CTNNA3: variants seen among roughly 807,000 people sequenced by gnomAD.
CTNNA3 encodes catenin alpha 3.
Under a neutral mutation model 95.7 loss-of-function variants are expected in CTNNA3, and 76 were observed. The observed-to-expected ratio is 0.79, with a 90% CI of 0.66 to 0.96. The LOEUF (loss-of-function observed/expected upper bound fraction) is 0.96. Ranked by LOEUF, CTNNA3 falls within the 40% of genes least tolerant of loss-of-function variation. CTNNA3 has a pLI of 0.00. For synonymous variants in CTNNA3, 431 were observed against 374.4 expected (o/e 1.15, Z -1.74); for missense variants, 1,191 against 1,089.8 (o/e 1.09, Z -1.31).
At chr10:66,731,109 G>A (rs1030433446) in intron 9 of CTNNA3, among the ~76,000 whole-genome samples, 1 of 152,118 alleles carries the variant, frequency 6.6e-6, no homozygotes, top group Non-Finnish European at 1.5e-5. Flanking sequence ...TCCAAGGAAG[G>A]CCATATATAA....
At chr10:66,760,452 TTTTG>T (rs145949704) in intron 9 of CTNNA3, among the ~76,000 whole-genome samples, 1,786 of 152,244 alleles carry the variant, frequency 0.012, 21 homozygotes, top group African/African-American at 0.041. Context: ...ACTTGGAGTT[TTTTG>T]TTTGTTTGTT....
intron 13 of CTNNA3, among the ~76,000 whole-genome samples, chr10:66,255,211 C>A (rs2090718025): frequency 6.6e-6 from 1 of 152,118 alleles, no homozygotes; most frequent in Non-Finnish European, 1.5e-5. Flanking sequence ...GACTGCTCAT[C>A]CAGGCAAGGG....
chr10:66,908,194 C>T (rs1846071940), intron 7 of CTNNA3, among the ~76,000 whole-genome samples: 1 of 152,136 alleles, frequency 6.6e-6, no homozygotes, highest in Non-Finnish European at 1.5e-5. Flanking sequence ...AGAGTTGGAC[C>T]AGGACTTCAC....
At chr10:66,460,581 G>A (rs1470355115) in intron 11 of CTNNA3, among the ~76,000 whole-genome samples, 3 of 151,972 alleles carry the variant, frequency 2.0e-5, no homozygotes, top group Non-Finnish European at 4.4e-5. Flanking sequence ...ATCCCTGCAA[G>A]TCCCTTTCTT....
intron 7 of CTNNA3, among the ~76,000 whole-genome samples, chr10:66,897,320 A>C (rs996011597): frequency 6.6e-6 from 1 of 152,052 alleles, no homozygotes; most frequent in Non-Finnish European, 1.5e-5. Flanking sequence ...GGGGATATCC[A>C]TGGGAAGAAA....
chr10:66,970,879 C>A (rs533952252), intron 7 of CTNNA3, among the ~76,000 whole-genome samples: 2 of 152,184 alleles, frequency 1.3e-5, no homozygotes, highest in East Asian at 3.9e-4. Flanking sequence ...CAAGATAATA[C>A]AGATCTCAAG....
upstream of CTNNA3, among the ~76,000 whole-genome samples, chr10:67,696,435 G>A (rs1375609160): frequency 6.6e-6 from 1 of 152,146 alleles, no homozygotes; most frequent in Non-Finnish European, 1.5e-5. Context: ...AAATGATAAA[G>A]CAGGGAAAAC....
chr10:66,517,445 C>T (rs891393355), intron 11 of CTNNA3, among the ~76,000 whole-genome samples: 1 of 152,012 alleles, frequency 6.6e-6, no homozygotes, highest in Non-Finnish European at 1.5e-5. Flanking sequence ...AAGAAGCCGG[C>T]TAAATCCTAC....
chr10:66,360,845 CTTT>C (rs2092666710), intron 12 of CTNNA3, among the ~76,000 whole-genome samples: 1 of 110,730 alleles, frequency 9.0e-6, no homozygotes, highest in African/African-American at 3.6e-5. Flanking sequence ...TTCTTTCTTT[CTTT>C]CTTTCTTTCC....
rs1863397435 is a variant in CTNNA3 at position 67,196,906 on chromosome 10, A to T, written c.844-16386T>A. Among the ~76,000 whole-genome samples the T allele has an allele frequency of 3.3e-5, 5 of 152,088 alleles. No individual in the cohort carries two copies. In the South Asian group the frequency reaches 1.0e-3, roughly 31 times the overall value. ...CTTGTGTGATTATCTGTTTGGAAAT[A>T]TGTGTTTACATGTTTGTGTTTTACA... is the stretch of plus-strand genomic sequence containing the variant. On this transcript the variant is annotated intron_variant, in intron 6 of 17. Transcript: ENST00000433211.
chr10:66,534,949 T>C (rs1188887301), intron 10 of CTNNA3, among the ~76,000 whole-genome samples: 1 of 152,122 alleles, frequency 6.6e-6, no homozygotes, highest in African/African-American at 2.4e-5. Context: ...TTTACTACTC[T>C]ATTGGAGAAT....
chr10:66,667,537 G>A (rs1483275799), intron 9 of CTNNA3, among the ~76,000 whole-genome samples: 1 of 151,876 alleles, frequency 6.6e-6, no homozygotes, highest in Non-Finnish European at 1.5e-5. Flanking sequence ...AAAATCCATA[G>A]TTTTCTATTT....
chr10:66,439,888 G>C (rs1317079129), intron 11 of CTNNA3, among the ~76,000 whole-genome samples: 1 of 152,068 alleles, frequency 6.6e-6, no homozygotes, highest in East Asian at 1.9e-4. Flanking sequence ...ATACCTCAAA[G>C]AAAATCTGTA....
chr10:66,170,602 A>G (rs1485862379), intron 13 of CTNNA3, among the ~76,000 whole-genome samples: 1 of 152,074 alleles, frequency 6.6e-6, no homozygotes, highest in African/African-American at 2.4e-5. Context: ...AGGCAAAGAA[A>G]TGAATATCAC....
At chr10:67,196,165 T>A (rs1863361300) in intron 6 of CTNNA3, among the ~76,000 whole-genome samples, 1 of 152,070 alleles carries the variant, frequency 6.6e-6, no homozygotes, top group South Asian at 2.1e-4. Flanking sequence ...GCTCATAGAC[T>A]CCCTTTTGTC....
chr10:66,534,924 C>T (rs1194766750), intron 10 of CTNNA3, among the ~76,000 whole-genome samples: 1 of 151,872 alleles, frequency 6.6e-6, no homozygotes, highest in Non-Finnish European at 1.5e-5. Context: ...TAATTACAAA[C>T]ATTTCCATTT....
At chr10:66,532,356 G>T (rs1463149199) in intron 10 of CTNNA3, among the ~76,000 whole-genome samples, 2 of 152,076 alleles carry the variant, frequency 1.3e-5, no homozygotes, top group African/African-American at 2.4e-5. Context: ...CAGCTACTGG[G>T]GAGGCTGAGG....
intron 15 of CTNNA3, among the ~76,000 whole-genome samples, chr10:66,042,748 A>C (rs2079722576): frequency 6.6e-6 from 1 of 151,606 alleles, no homozygotes; most frequent in Admixed American, 6.6e-5. Flanking sequence ...AGAAATAAAA[A>C]AATTAGCCAG....
chr10:66,940,799 T>C (rs1036775697), intron 7 of CTNNA3, among the ~76,000 whole-genome samples: 5 of 152,178 alleles, frequency 3.3e-5, no homozygotes, highest in African/African-American at 4.8e-5. Flanking sequence ...AAAAAAAACT[T>C]ATCTGATCTT....
Sources: allele counts gnomAD v4.1 joint callset (sites outside exome capture counted in the v4.1 genomes callset), GRCh38; gene constraint gnomAD v4.1.1; transcripts MANE v1.5; gene names NCBI Gene and HGNC (gene_info 2026-07-23, HGNC 2026-07-21).